Variants in BCAS4 observed in about 807,000 individuals in gnomAD.
BCAS4 encodes breast carcinoma-amplified sequence 4.
BCAS4 carries 9 observed loss-of-function variants against 15.7 expected under a neutral mutation model. That is an observed-to-expected ratio of 0.57 (90% CI 0.34 to 1.00). The LOEUF is 1.00. Ranked by LOEUF, BCAS4 falls within the 50% of genes least tolerant of loss-of-function variation. The pLI, the probability that BCAS4 is intolerant of heterozygous loss-of-function variation, is 0.02. For synonymous variants in BCAS4, 101 were observed against 99.5 expected, an observed-to-expected ratio of 1.02 and a Z score of -0.09; for missense variants, 225 against 239.1, an observed-to-expected ratio of 0.94 and a Z score of 0.39.
chr20:50,796,452 C>T (rs1248446861), intron 1 of BCAS4, among the ~76,000 whole-genome samples: 4 of 21,142 alleles, frequency 1.9e-4, no homozygotes, highest in Admixed American at 1.2e-3. Flanking sequence ...TCTTTTTCTC[C>T]ATATATATAT....
At position 50,851,858 on chromosome 20, in the gene BCAS4, C is replaced by G. The variant is rs1369965264; in HGVS notation, c.399+9958C>G. Among the ~76,000 whole-genome samples, 1 of 152,272 alleles carries G rather than the reference C, an allele frequency of 6.6e-6. No homozygotes were observed. Among genetic ancestry groups the G allele is most frequent in the African/African-American group, 2.4e-5 (1 of 41,472 alleles). On this transcript the variant is annotated intron_variant, in intron 4 of 4. Coordinates refer to ENST00000371608, the MANE Select transcript of BCAS4 (RefSeq NM_198799.4). The surrounding 1 kb of genome is among the most constrained non-coding windows in gnomAD (Gnocchi z 4.3). Reference sequence around the variant, plus strand: ...GCCTGGGTTCCCCCAGCCAGCCTTCCTCTGGGGTCCCCTAACCCAAACCCT... The same window carrying G: ...GCCTGGGTTCCCCCAGCCAGCCTTCGTCTGGGGTCCCCTAACCCAAACCCT...
chr20:50,849,626 G>T (rs1030519734), intron 4 of BCAS4, among the ~76,000 whole-genome samples: 2 of 152,202 alleles, frequency 1.3e-5, no homozygotes, highest in African/African-American at 4.8e-5. Flanking sequence ...GGACTGTGGC[G>T]AATTGCAGAC....
At chr20:50,795,273 G>A in intron 1 of BCAS4, 100 bp downstream of exon 1, 3 of 1,111,980 alleles carry the variant, frequency 2.7e-6, no homozygotes, top group Non-Finnish European at 3.5e-6. Context: ...CGCTCCCGGA[G>A]TGGGGGGCCC....
chr20:50,866,261 G>A lies in BCAS4; in HGVS notation c.400-10225G>A, dbSNP rs1979352807. ...GCCCCAGGTCAGTAGTCCCTTACTT[G>A]TAGGGCTCAGGGTAAGCAGAGGCCT... On this transcript the variant is annotated intron_variant, in intron 4 of 4. Coordinates refer to ENST00000371608, the MANE Select transcript of BCAS4 (RefSeq NM_198799.4). Among the ~76,000 whole-genome samples, 3 of 152,214 alleles carry A rather than the reference G, an allele frequency of 2.0e-5. No individual in the cohort carries two copies. In the South Asian group the frequency reaches 6.2e-4, roughly 32 times the overall value.
chr20:50,798,421 C>T (rs1301162673), intron 1 of BCAS4, among the ~76,000 whole-genome samples: 1 of 151,986 alleles, frequency 6.6e-6, no homozygotes, highest in Non-Finnish European at 1.5e-5. Context: ...CGCCTGTGGT[C>T]CCAGTACTTT....
chr20:50,861,263 C>T (rs1378875446), intron 4 of BCAS4, among the ~76,000 whole-genome samples: 3 of 152,198 alleles, frequency 2.0e-5, no homozygotes, highest in Admixed American at 6.5e-5. Context: ...GAGTTCCCTG[C>T]GTGGTGAGGG....
In BCAS4 at chr20:50,830,279, A is replaced by G; in HGVS notation, c.163A>G (p.Ile55Val). ...TGATGAGCTGTTTTGTTCCTTGCAG[A>G]TCAGGAGTGATACTTCACAGATCCT... is the stretch of plus-strand genomic sequence containing the variant. ...LEEFCSLADL[I>V]RSDTSQILEE... The change falls in exon 3 of 5, where the codon ATC becomes GTC. Residue 55 changes from isoleucine to valine, a missense_variant and splice_region_variant. By Grantham distance (29) the Ile-to-Val change is conservative. Coordinates refer to ENST00000371608, the MANE Select transcript of BCAS4 (RefSeq NM_198799.4). 1 of 1,613,326 alleles carries G rather than the reference A, an allele frequency of 6.2e-7. No homozygotes were observed. Among genetic ancestry groups the G allele is most frequent in the Admixed American group, 1.7e-5 (1 of 60,008 alleles).
intron 1 of BCAS4, among the ~76,000 whole-genome samples, chr20:50,817,374 T>C (rs1209549958): frequency 6.6e-6 from 1 of 152,252 alleles, no homozygotes; most frequent in African/African-American, 2.4e-5. Flanking sequence ...TGAATTTGAA[T>C]TTCAGATAAA....
chr20:50,820,210 C>A (rs561789893), intron 2 of BCAS4, among the ~76,000 whole-genome samples: 1 of 152,294 alleles, frequency 6.6e-6, no homozygotes, highest in East Asian at 1.9e-4. Flanking sequence ...AGAGTTCAGT[C>A]CATCTCCATT....
At chr20:50,834,356 C>A (rs1376583226) in intron 3 of BCAS4, among the ~76,000 whole-genome samples, 1 of 133,390 alleles carries the variant, frequency 7.5e-6, no homozygotes, top group African/African-American at 2.9e-5. Context: ...AGTGCAGTGG[C>A]GGAATCTTGG....
chr20:50,844,359 A>C (rs1172066977), intron 4 of BCAS4, among the ~76,000 whole-genome samples: 2 of 152,178 alleles, frequency 1.3e-5, no homozygotes, highest in African/African-American at 4.8e-5. Flanking sequence ...ACTTGAGCCT[A>C]GGAGTTTGAG....
intron 2 of BCAS4, among the ~76,000 whole-genome samples, chr20:50,820,901 G>A (rs2088205275): frequency 6.6e-6 from 1 of 151,906 alleles, no homozygotes; most frequent in South Asian, 2.1e-4. Context: ...ATGTTTCTGG[G>A]GGGGAAAAAA....
At position 50,830,314 on chromosome 20, in the gene BCAS4, C is replaced by T; in HGVS notation, c.198C>T (p.Asn66=). 1 of 1,614,056 alleles carries T rather than the reference C, an allele frequency of 6.2e-7. No individual in the cohort carries two copies. Among genetic ancestry groups the T allele is most frequent in the South Asian group, 1.1e-5 (1 of 91,046 alleles). The change falls in exon 3 of 5, where the codon AAC becomes AAT. Residue 66 remains asparagine (N), a synonymous_variant. Transcript: ENST00000371608. ...ATACTTCACAGATCCTGGAGGAAAA[C>T]ATCCCAGTCCTTAAGGCCAAACTGA... is the stretch of plus-strand genomic sequence containing the variant. The part of the protein sequence containing the change: ...RSDTSQILEE[N]IPVLKAKLTE...
At chr20:50,869,340 C>T (rs1979515839) in intron 4 of BCAS4, among the ~76,000 whole-genome samples, 1 of 152,180 alleles carries the variant, frequency 6.6e-6, no homozygotes, top group South Asian at 2.1e-4. Flanking sequence ...GGGGCTGGCC[C>T]AGGCTCTGGT....
chr20:50,856,333 C>T (rs2123829086), intron 4 of BCAS4, among the ~76,000 whole-genome samples: 1 of 152,306 alleles, frequency 6.6e-6, no homozygotes, highest in Middle Eastern at 3.4e-3. Flanking sequence ...TGAGTTCATC[C>T]CGATGCCTGT....
intron 4 of BCAS4, among the ~76,000 whole-genome samples, chr20:50,868,222 G>T (rs1249013888): frequency 6.6e-6 from 1 of 152,162 alleles, no homozygotes; most frequent in Admixed American, 6.6e-5. Context: ...CGTTTGCCAG[G>T]TTTCTCCACT....
rs2272962 is a variant in BCAS4 at position 50,795,161 on chromosome 20, G to A, written c.78G>A (p.Glu26=). ...ARELALFLTP[E]PGAEAKEVEE... ...AGCTCGCGCTCTTCCTGACCCCCGAGCCTGGGGCCGAGGTAGGGGACGGGG... is the reference window on the plus strand; with the variant it reads ...AGCTCGCGCTCTTCCTGACCCCCGAACCTGGGGCCGAGGTAGGGGACGGGG... The change falls in exon 1 of 5, where the codon GAG becomes GAA. Residue 26 remains glutamate, a synonymous_variant. Coordinates refer to ENST00000371608, the MANE Select transcript of BCAS4 (RefSeq NM_198799.4). The A allele has an allele frequency of 1.4e-6, 2 of 1,451,088 alleles. No individual in the cohort carries two copies. The highest frequency in any genetic ancestry group is 1.3e-5 in the South Asian group (1 of 74,782). The allele number at this position is 1,451,088 out of a possible 1,614,324, so 89.9% of individuals were successfully genotyped here.
upstream of BCAS4, chr20:50,794,958 G>T: frequency 8.3e-7 from 1 of 1,202,010 alleles, no homozygotes; most frequent in Non-Finnish European, 1.0e-6. Context: ...CGCCGGGAGC[G>T]CACCTGCCCC....
chr20:50,863,655 G>T (rs1340092546), intron 4 of BCAS4, among the ~76,000 whole-genome samples: 2 of 152,190 alleles, frequency 1.3e-5, no homozygotes, highest in Non-Finnish European at 2.9e-5. Flanking sequence ...CAGCATCAAA[G>T]TGAGAAATGT....
Sources: gnomAD v4.1 joint callset for allele counts (sites outside exome capture counted in the v4.1 genomes callset) on GRCh38, gnomAD v4.1.1 for gene constraint, Gnocchi (gnomAD v3.1) non-coding constraint, MANE v1.5 for transcripts, NCBI Gene and HGNC (gene_info 2026-07-23, HGNC 2026-07-21) for gene names.